The following GRB10 variants were observed in gnomAD, a reference collection of about 807,000 sequenced individuals.
The protein encoded by GRB10 is growth factor receptor bound protein 10, also known as growth factor receptor-bound protein 10.
In GRB10, 20 loss-of-function variants were observed where a neutral mutation model predicts 80.9. The observed-to-expected ratio is 0.25, with a 90% CI of 0.17 to 0.36. The LOEUF (loss-of-function observed/expected upper bound fraction) is 0.36. Among genes scored for constraint, GRB10 ranks in the 10% least tolerant of loss-of-function variants. GRB10 has a pLI of 1.00. For missense variants in GRB10, 548 were observed against 747.7 expected, an observed-to-expected ratio of 0.73 and a Z score of 3.12; for synonymous variants, 291 against 291.5, an observed-to-expected ratio of 1.00 and a Z score of 0.02.
At chr7:50,739,006 A>G (rs2071279446) in intron 3 of GRB10, among the ~76,000 whole-genome samples, 1 of 152,176 alleles carries the variant, frequency 6.6e-6, no homozygotes, top group Non-Finnish European at 1.5e-5. Context: ...AATTTAAATA[A>G]TCTTCATGAT....
At chr7:50,742,241 C>A (rs1206293802) in intron 3 of GRB10, among the ~76,000 whole-genome samples, 1 of 151,206 alleles carries the variant, frequency 6.6e-6, no homozygotes, top group African/African-American at 2.4e-5. Context: ...ATGTATTTGT[C>A]TATGTGTAAA....
chr7:50,602,641 A>G (rs1476392337), intron 17 of GRB10, among the ~76,000 whole-genome samples: 4 of 152,246 alleles, frequency 2.6e-5, no homozygotes, highest in Non-Finnish European at 4.4e-5. Flanking sequence ...ACAGAAGTAT[A>G]TGGTATAGCA....
At chr7:50,764,113 T>C (rs2076074384) in intron 2 of GRB10, among the ~76,000 whole-genome samples, 1 of 152,052 alleles carries the variant, frequency 6.6e-6, no homozygotes, top group Admixed American at 6.5e-5. Context: ...ATTTGGAATT[T>C]TTTCAAACAC....
chr7:50,595,435 A>T lies in GRB10; in HGVS notation c.1638+2T>A. 6.8e-7 allele frequency: 1 copy of T among 1,474,730 alleles called. No individual in the cohort carries two copies. The highest frequency in any genetic ancestry group is 9.5e-7 in the Non-Finnish European group (1 of 1,052,886). The allele number at this position is 1,474,730 out of a possible 1,614,324, so 91.4% of individuals were successfully genotyped here. ...GACTGGTCTGAGAACATCAATACTT[A>T]CAGGTAAGATCTGGAAATTTTTAAT... On this transcript the variant is annotated splice_donor_variant, in intron 18 of 18. Coordinates refer to ENST00000401949, the MANE Select transcript of GRB10 (RefSeq NM_001350814.2). LOFTEE classifies it high-confidence loss of function.
At chr7:50,719,856 G>T (rs1311179589) in intron 4 of GRB10, among the ~76,000 whole-genome samples, 2 of 147,548 alleles carry the variant, frequency 1.4e-5, no homozygotes, top group African/African-American at 5.0e-5. Context: ...CCTTTTATAG[G>T]TTTTTTTTTT....
At chr7:50,607,343 T>C (rs926278307) in intron 13 of GRB10, among the ~76,000 whole-genome samples, 1 of 152,158 alleles carries the variant, frequency 6.6e-6, no homozygotes, top group Non-Finnish European at 1.5e-5. Context: ...ATATAATAGA[T>C]TAATATATAT....
chr7:50,657,280 G>A (rs966339027), intron 7 of GRB10, among the ~76,000 whole-genome samples: 6 of 152,184 alleles, frequency 3.9e-5, no homozygotes, highest in African/African-American at 1.2e-4. Context: ...TTTTGTGCCA[G>A]TTCAATGGTC....
chr7:50,609,191 G>A (rs998670009), intron 13 of GRB10, among the ~76,000 whole-genome samples: 6 of 152,172 alleles, frequency 3.9e-5, no homozygotes, highest in East Asian at 1.9e-4. Flanking sequence ...TTAAATCACA[G>A]TAAATATTTT....
At chr7:50,714,025 T>C (rs565017535) in intron 4 of GRB10, among the ~76,000 whole-genome samples, 2 of 150,980 alleles carry the variant, frequency 1.3e-5, no homozygotes, top group East Asian at 2.0e-4. Context: ...ATTATCTCTA[T>C]ATCCTCCTCC....
chr7:50,645,665 G>C (rs1447999067), intron 7 of GRB10: 2 of 982,234 alleles, frequency 2.0e-6, no homozygotes, highest in Non-Finnish European at 2.4e-6. Flanking sequence ...GAAAGCAAAC[G>C]CCGTCGTATC....
intron 5 of GRB10, among the ~76,000 whole-genome samples, chr7:50,703,608 T>C (rs1424879032): frequency 6.6e-6 from 1 of 152,254 alleles, no homozygotes; most frequent in Non-Finnish European, 1.5e-5. Flanking sequence ...GAAGTTTTGC[T>C]CACTGAAGTT....
intron 4 of GRB10, among the ~76,000 whole-genome samples, chr7:50,706,161 G>T (rs1054038972): frequency 6.6e-6 from 1 of 152,170 alleles, no homozygotes; most frequent in Non-Finnish European, 1.5e-5. Flanking sequence ...TAGCATTCCC[G>T]TGGTCTTTGC....
intron 4 of GRB10, chr7:50,725,972 G>A (rs2068576676): frequency 6.6e-6 from 1 of 152,188 alleles, no homozygotes; most frequent in South Asian, 2.1e-4. Flanking sequence ...CCTGATCCCT[G>A]ATCTATCCCA....
intron 3 of GRB10, among the ~76,000 whole-genome samples, chr7:50,750,749 T>G (rs1418003847): frequency 6.6e-6 from 1 of 152,216 alleles, no homozygotes; most frequent in African/African-American, 2.4e-5. Context: ...AATCTAATTA[T>G]GCCAGCCACT....
intron 7 of GRB10, among the ~76,000 whole-genome samples, chr7:50,628,787 T>C (rs1222474074): frequency 6.6e-6 from 1 of 152,234 alleles, no homozygotes; most frequent in Admixed American, 6.5e-5. Context: ...TCAACTCTTA[T>C]TTATTTTTCA....
intron 4 of GRB10, among the ~76,000 whole-genome samples, chr7:50,706,378 G>A (rs2065040227): frequency 6.6e-6 from 1 of 152,092 alleles, no homozygotes; most frequent in Non-Finnish European, 1.5e-5. Flanking sequence ...ACAAAACTTT[G>A]TCCACATTTC....
upstream of GRB10, among the ~76,000 whole-genome samples, chr7:50,785,431 CCT>C (rs1185301452): frequency 6.6e-6 from 1 of 152,250 alleles, no homozygotes; most frequent in Non-Finnish European, 1.5e-5. Context: ...AGCACAGCCT[CCT>C]CCTACCAGGG....
chr7:50,782,049 C>T lies in GRB10; in HGVS notation c.-327+375G>A, dbSNP rs2078338639. Among the ~76,000 whole-genome samples, 1 of 152,202 alleles carries T rather than the reference C, an allele frequency of 6.6e-6. No homozygotes were observed. ...CCCGGATGCCCAGATCCACTCATTT[C>T]CCAAACCGGTTCCCACACCCGCTGC... On this transcript the variant is annotated intron_variant, in intron 1 of 18. Coordinates refer to ENST00000401949, the MANE Select transcript of GRB10 (RefSeq NM_001350814.2). The surrounding 1 kb of genome is among the most constrained non-coding windows in gnomAD (Gnocchi z 6.6).
At chr7:50,743,839 A>C (rs538669710) in intron 3 of GRB10, among the ~76,000 whole-genome samples, 1 of 152,172 alleles carries the variant, frequency 6.6e-6, no homozygotes, top group Non-Finnish European at 1.5e-5. Context: ...CCAGGGCAGG[A>C]CTGTTAATGC....
Sources: allele counts gnomAD v4.1 joint callset (sites outside exome capture counted in the v4.1 genomes callset), GRCh38; gene constraint gnomAD v4.1.1; non-coding constraint Gnocchi (gnomAD v3.1); transcripts MANE v1.5; gene names NCBI Gene and HGNC (gene_info 2026-07-23, HGNC 2026-07-21).